Variants in AK2 observed in about 807,000 individuals in gnomAD.
The protein encoded by AK2 is adenylate kinase 2, also known as adenylate kinase 2, mitochondrial.
A neutral mutation model predicts 24.6 loss-of-function variants in AK2; 15 were observed. That is an observed-to-expected ratio of 0.61 (90% confidence interval 0.41 to 0.94). The LOEUF (loss-of-function observed/expected upper bound fraction) is 0.94. AK2 is among the 40% of genes least tolerant of loss of function. AK2 has a pLI of 0.00. For synonymous variants in AK2, 102 were observed against 114.0 expected (o/e 0.90, Z 0.67); for missense variants, 257 against 304.1 (o/e 0.85, Z 1.15).
At chr1:33,025,530 G>A (rs1639826554) in intron 1 of AK2, among the ~76,000 whole-genome samples, 2 of 152,168 alleles carry the variant, frequency 1.3e-5, no homozygotes, top group Admixed American at 1.3e-4. Flanking sequence ...TAGCTGTGAG[G>A]ATTAGCTGAG....
At chr1:33,019,700 C>T in intron 4 of AK2, 1 of 1,024,762 alleles carries the variant, frequency 9.8e-7, no homozygotes, top group Non-Finnish European at 1.2e-6. Flanking sequence ...AGATGTTCAA[C>T]CTCATTAGGA....
intron 1 of AK2, among the ~76,000 whole-genome samples, chr1:33,027,934 CAG>C (rs1170564809): frequency 6.6e-6 from 1 of 152,090 alleles, no homozygotes; most frequent in Non-Finnish European, 1.5e-5. Context: ...CTTAACTTCT[CAG>C]AGTGTCAGTT....
intron 4 of AK2, among the ~76,000 whole-genome samples, chr1:33,015,244 G>A (rs1207097099): frequency 6.6e-6 from 1 of 152,182 alleles, no homozygotes; most frequent in Non-Finnish European, 1.5e-5. Context: ...CCCTTATGGA[G>A]CAATATTCAA....
rs1639553401 is a variant in AK2 at position 33,021,503 on chromosome 1, G to A, written c.331-42C>T. 5 of 1,607,476 alleles carry A rather than the reference G, an allele frequency of 3.1e-6. No homozygotes were observed. In the Admixed American group the frequency reaches 5.0e-5, roughly 16 times the overall value. On this transcript the variant is annotated intron_variant, in intron 3 of 5. Transcript: ENST00000672715. ...GGCCCACCTAAGCTACCAGAGCTTG[G>A]TTAGACCCATCTCCTTCAAAGGAAT...
In AK2 at chr1:33,028,967, G is replaced by A. The variant is rs541914166; in HGVS notation, c.94-4400C>T. On this transcript the variant is annotated intron_variant, in intron 1 of 5. Coordinates refer to ENST00000672715, the MANE Select transcript of AK2 (RefSeq NM_001625.4). ...TGGTATAGATCTGGGTTAGGAAACG[G>A]GCTCTACCGTTTATTCACTGTGTCA... Among the ~76,000 whole-genome samples, 10 of 152,208 alleles carry A rather than the reference G, an allele frequency of 6.6e-5. No individual in the cohort carries two copies. The South Asian group carries it at 1.7e-3, about 25-fold the overall frequency.
intron 1 of AK2, among the ~76,000 whole-genome samples, chr1:33,033,159 CAAA>C (rs535373703): frequency 2.3e-5 from 2 of 88,646 alleles, no homozygotes; most frequent in African/African-American, 3.9e-5. Context: ...GACTCTGTCT[CAAA>C]AAAAAAAAAA....
intron 4 of AK2, among the ~76,000 whole-genome samples, chr1:33,018,694 C>T (rs950550890): frequency 6.6e-6 from 1 of 152,186 alleles, no homozygotes; most frequent in Non-Finnish European, 1.5e-5. Flanking sequence ...TTCTCTCTTT[C>T]ACCCTTTACA....
At chr1:33,014,469 G>C (rs1639047212) in intron 5 of AK2, 53 bp downstream of exon 5, 1 of 1,374,950 alleles carries the variant, frequency 7.3e-7, no homozygotes, top group Non-Finnish European at 1.0e-6. Context: ...AAGAAAAACA[G>C]TGAAGAAAGG....
chr1:33,012,509 G>A lies in AK2; in HGVS notation c.*672C>T. ...TTCTAATCAGCTGCTGGAAATGGAA[G>A]AAATACTATGAGGTTCTGGAATTGC... On this transcript the variant is annotated 3_prime_UTR_variant, in exon 6 of 6. Transcript: ENST00000672715. The A allele has an allele frequency of 7.4e-7, 1 of 1,352,382 alleles. No homozygotes were observed. Among genetic ancestry groups the A allele is most frequent in the Non-Finnish European group, 9.7e-7 (1 of 1,032,422 alleles). 83.8% of individuals were successfully genotyped at this position (1,352,382 alleles called of 1,614,324 possible).
At chr1:33,034,483 CACACAT>C (rs1375236271) in intron 1 of AK2, among the ~76,000 whole-genome samples, 59 of 146,980 alleles carry the variant, frequency 4.0e-4, no homozygotes, top group African/African-American at 1.4e-3. Flanking sequence ...CACACACACA[CACACAT>C]ATATCATAAT....
intron 2 of AK2, 64 bp from the exon 3 acceptor site, chr1:33,021,767 C>G (rs1639575725): frequency 7.9e-7 from 1 of 1,270,180 alleles, no homozygotes; most frequent in South Asian, 1.2e-5. Flanking sequence ...GACATTAGCC[C>G]AACTCCACAG....
chr1:33,010,844 G>C lies in AK2; in HGVS notation c.*2337C>G. The C allele has an allele frequency of 6.2e-7, 1 of 1,614,172 alleles. No individual in the cohort carries two copies. The highest frequency in any genetic ancestry group is 8.5e-7 in the Non-Finnish European group (1 of 1,180,042). On this transcript the variant is annotated 3_prime_UTR_variant, in exon 6 of 6. Transcript: ENST00000672715. ...CCTTCTGATACTAGGCTGAAATAGA[G>C]AGGAAACAAGAGAGAACAAAATGGG... is the stretch of plus-strand genomic sequence containing the variant.
At chr1:33,033,747 G>C (rs1394595329) in intron 1 of AK2, among the ~76,000 whole-genome samples, 1 of 152,180 alleles carries the variant, frequency 6.6e-6, no homozygotes, top group Non-Finnish European at 1.5e-5. Flanking sequence ...TTGGGGCTGG[G>C]TAAGGGCTCA....
intron 1 of AK2, among the ~76,000 whole-genome samples, chr1:33,024,777 A>G (rs2124346753): frequency 6.6e-6 from 1 of 152,344 alleles, no homozygotes; most frequent in Non-Finnish European, 1.5e-5. Flanking sequence ...ATGAAATAAT[A>G]TATGTAAAGC....
intron 4 of AK2, chr1:33,020,025 G>A (rs1639431979): frequency 6.6e-7 from 1 of 1,522,818 alleles, no homozygotes; most frequent in Admixed American, 2.0e-5. Flanking sequence ...GCAGTTGAAA[G>A]CTTCTGTCAT....
intron 1 of AK2, chr1:33,032,517 G>A (rs1409525300): frequency 6.6e-6 from 1 of 152,100 alleles, no homozygotes; most frequent in Non-Finnish European, 1.5e-5. Context: ...GTAGATGAGG[G>A]GAAGTTTCTC....
chr1:33,007,982 C>T (rs530586710), downstream of AK2: 1 of 453,364 alleles, frequency 2.2e-6, no homozygotes, highest in South Asian at 1.6e-5. Flanking sequence ...GCATGCAGAA[C>T]CTCTCACACA....
rs1036863577 is a variant in AK2 at position 33,008,364 on chromosome 1, G to C, written c.*4817C>G. 1.5e-5 allele frequency: 7 copies of C among 454,002 alleles called. No homozygotes were observed. The highest frequency in any genetic ancestry group is 1.2e-4 in the African/African-American group (6 of 50,016). 28.1% of individuals were successfully genotyped at this position (454,002 alleles called of 1,614,324 possible). On this transcript the variant is annotated 3_prime_UTR_variant, in exon 6 of 6. Transcript: ENST00000672715. ...TCTTCATCTGAGGAAAGACTTGTGA[G>C]GCTTCTGAGGAGGCTGCTCTCCATC... is the stretch of plus-strand genomic sequence containing the variant.
rs1375188415 is a variant in AK2 at position 33,036,589 on chromosome 1, C to T, written c.93+147G>A. ...TCCAATTTGGACCCTCTCCGAAATG[C>T]CCCACCAGAACCGAGACCCCGGCCA... On this transcript the variant is annotated intron_variant, in intron 1 of 5. Coordinates refer to ENST00000672715, the MANE Select transcript of AK2 (RefSeq NM_001625.4). 3 of 745,766 alleles carry T rather than the reference C, an allele frequency of 4.0e-6. No individual in the cohort carries two copies. The Admixed American group carries it at 6.6e-5, about 16-fold the overall frequency. 46.2% of individuals were successfully genotyped at this position (745,766 alleles called of 1,614,324 possible).
Sources: allele counts gnomAD v4.1 joint callset (sites outside exome capture counted in the v4.1 genomes callset), GRCh38; gene constraint gnomAD v4.1.1; transcripts MANE v1.5; gene names NCBI Gene and HGNC (gene_info 2026-07-23, HGNC 2026-07-21).